The following DLG2 variants were observed in gnomAD, a reference collection of about 807,000 sequenced individuals.
The protein encoded by DLG2 is discs large MAGUK scaffold protein 2.
A neutral mutation model predicts 132.5 loss-of-function variants in DLG2; 45 were observed. The observed-to-expected ratio is 0.34, with a 90% CI of 0.27 to 0.44. The LOEUF is 0.44. DLG2 is among the 20% of genes least tolerant of loss of function. The probability of loss-of-function intolerance (pLI) is 1.00; values close to 1 mark genes in which losing one functional copy is unlikely to be tolerated. For synonymous variants in DLG2, 424 were observed against 419.6 expected, an observed-to-expected ratio of 1.01 and a Z score of -0.13; for missense variants, 1,045 against 1,196.9, an observed-to-expected ratio of 0.87 and a Z score of 1.87.
intron 6 of DLG2, among the ~76,000 whole-genome samples, chr11:84,750,831 T>C (rs1326257164): frequency 6.6e-6 from 1 of 152,168 alleles, no homozygotes; most frequent in Non-Finnish European, 1.5e-5. Context: ...TACCACCTGA[T>C]TGACTGCAAA....
chr11:84,560,049 G>A (rs977912570), intron 6 of DLG2, among the ~76,000 whole-genome samples: 8 of 152,098 alleles, frequency 5.3e-5, no homozygotes, highest in African/African-American at 1.9e-4. Flanking sequence ...TGTACTTGTT[G>A]GGAAATCACA....
rs1023877878 is a variant in DLG2 at position 83,984,192 on chromosome 11, T to TA, written c.920-3551_920-3550insT. 4.1e-3 allele frequency among the ~76,000 whole-genome samples: 587 copies of TA among 142,154 alleles called. 2 individuals are homozygous for TA. Among genetic ancestry groups the TA allele is most frequent in the Middle Eastern group, 6.9e-3 (2 of 288 alleles). The allele number at this position is 142,154 out of a possible 152,430, so 93.3% of individuals were successfully genotyped here. On this transcript the variant is annotated intron_variant, in intron 11 of 27. Coordinates refer to ENST00000376104, the MANE Select transcript of DLG2 (RefSeq NM_001142699.3). ...ACTATGGATACTGTAGATAGATAGA[T>TA]GATAGATAGATAGATAGATAGATAG...
chr11:85,485,058 T>G (rs1173157179), intron 3 of DLG2, among the ~76,000 whole-genome samples: 1 of 152,126 alleles, frequency 6.6e-6, no homozygotes, highest in African/African-American at 2.4e-5. Flanking sequence ...TGTAGGGACA[T>G]GGATGAAGCT....
chr11:85,273,227 T>C (rs758604462), intron 4 of DLG2, among the ~76,000 whole-genome samples: 1 of 152,004 alleles, frequency 6.6e-6, no homozygotes, highest in Non-Finnish European at 1.5e-5. Context: ...CCAAAAGCAA[T>C]GGCAACAAAA....
chr11:83,941,514 G>A (rs1330759263), intron 14 of DLG2, among the ~76,000 whole-genome samples: 1 of 151,876 alleles, frequency 6.6e-6, no homozygotes, highest in Non-Finnish European at 1.5e-5. Flanking sequence ...TCCCATCTCA[G>A]CCTCTCAAGA....
intron 3 of DLG2, among the ~76,000 whole-genome samples, chr11:85,543,227 A>C (rs1307473770): frequency 6.6e-6 from 1 of 152,152 alleles, no homozygotes. Context: ...ATGAGTGAGA[A>C]CATGCAATGT....
intron 6 of DLG2, among the ~76,000 whole-genome samples, chr11:84,752,094 C>T (rs1006417278): frequency 2.5e-4 from 38 of 152,132 alleles, no homozygotes. Flanking sequence ...AGTGAAAAGG[C>T]CATCTTATGT....
At chr11:84,011,077 T>TA (rs150193292) in intron 11 of DLG2, among the ~76,000 whole-genome samples, 12,495 of 152,112 alleles carry the variant, frequency 0.082, 594 homozygotes, top group South Asian at 0.12. Context: ...TTGGCCACTA[T>TA]AAAAAATAAA....
chr11:83,896,076 A>G (rs929678176), intron 15 of DLG2, among the ~76,000 whole-genome samples: 3 of 152,184 alleles, frequency 2.0e-5, no homozygotes, highest in Non-Finnish European at 4.4e-5. Context: ...ACACTTGACA[A>G]GGGGTGGGGG....
chr11:83,652,064 A>C (rs150342569), intron 18 of DLG2: 1 of 297,150 alleles, frequency 3.4e-6, no homozygotes, highest in African/African-American at 2.2e-5. Flanking sequence ...CTCTTTTCTC[A>C]GTATAAATTA....
At chr11:85,378,275 AT>A (rs967077865) in intron 3 of DLG2, among the ~76,000 whole-genome samples, 2 of 152,096 alleles carry the variant, frequency 1.3e-5, no homozygotes, top group African/African-American at 2.4e-5. Context: ...ACTACTGTGA[AT>A]TTTTTGTGAT....
intron 18 of DLG2, among the ~76,000 whole-genome samples, chr11:83,694,954 C>CAG (rs2081621365): frequency 6.6e-6 from 1 of 152,216 alleles, no homozygotes; most frequent in Non-Finnish European, 1.5e-5. Context: ...GAGACACATT[C>CAG]AGTGGCCCCG....
intron 6 of DLG2, among the ~76,000 whole-genome samples, chr11:84,730,722 T>C (rs1008766333): frequency 1.3e-5 from 2 of 152,000 alleles, no homozygotes; most frequent in African/African-American, 2.4e-5. Flanking sequence ...ATCTGAACAA[T>C]AGATGGCTCT....
intron 6 of DLG2, among the ~76,000 whole-genome samples, chr11:84,722,701 A>T (rs1019605403): frequency 6.6e-6 from 1 of 152,174 alleles, no homozygotes; most frequent in East Asian, 1.9e-4. Context: ...TCTGAAGGAA[A>T]CTCAATATGG....
intron 16 of DLG2, among the ~76,000 whole-genome samples, chr11:83,854,676 C>T (rs560902922): frequency 6.6e-6 from 1 of 152,058 alleles, no homozygotes; most frequent in Non-Finnish European, 1.5e-5. Flanking sequence ...ATCTAGATGA[C>T]CTTGGGTTTT....
chr11:84,229,476 T>C (rs925168667), intron 8 of DLG2, among the ~76,000 whole-genome samples: 10 of 152,218 alleles, frequency 6.6e-5, no homozygotes, highest in African/African-American at 1.9e-4. Context: ...ATTCCCAGAA[T>C]TGATGTAGCG....
chr11:84,546,615 T>A, intron 6 of DLG2: 1 of 512,220 alleles, frequency 2.0e-6, no homozygotes, highest in East Asian at 5.1e-5. Context: ...TCATACCTCA[T>A]GTAGCATGGC....
chr11:83,921,423 C>T (rs183532189), intron 15 of DLG2, among the ~76,000 whole-genome samples: 116 of 152,278 alleles, frequency 7.6e-4, no homozygotes, highest in African/African-American at 2.6e-3. Context: ...GTTTCTCAAA[C>T]CATGTACCGT....
At chr11:85,560,504 T>G (rs141502182) in intron 3 of DLG2, among the ~76,000 whole-genome samples, 2 of 151,898 alleles carry the variant, frequency 1.3e-5, no homozygotes, top group East Asian at 3.9e-4. Flanking sequence ...ATTCTAAGAT[T>G]CAACTTATAT....
Sources: gnomAD v4.1 joint callset for allele counts (sites outside exome capture counted in the v4.1 genomes callset) on GRCh38, gnomAD v4.1.1 for gene constraint, MANE v1.5 for transcripts, NCBI Gene and HGNC (gene_info 2026-07-23, HGNC 2026-07-21) for gene names.